Variants in TNFAIP8 observed in about 807,000 individuals in gnomAD.
TNFAIP8 encodes TNF alpha induced protein 8, also known as tumor necrosis factor alpha-induced protein 8.
TNFAIP8 carries 7 observed loss-of-function variants against 13.3 expected under a neutral mutation model. That is an observed-to-expected ratio of 0.52 (90% CI 0.30 to 0.99). The LOEUF is 0.99. Ranked by LOEUF, TNFAIP8 falls within the 50% of genes least tolerant of loss-of-function variation. The probability of loss-of-function intolerance (pLI) is 0.07; values close to 1 mark genes in which losing one functional copy is unlikely to be tolerated. For missense variants in TNFAIP8, 258 were observed against 236.9 expected (o/e 1.09, Z -0.58); for synonymous variants, 94 against 87.6 (o/e 1.07, Z -0.41).
intron 1 of TNFAIP8, among the ~76,000 whole-genome samples, chr5:119,350,996 C>CTGTGTGTGTG (rs1562012624): frequency 9.8e-6 from 1 of 101,608 alleles, no homozygotes; most frequent in African/African-American, 5.0e-5. Flanking sequence ...AGGGGTCTCA[C>CTGTGTGTGTG]TCTGTGTGTG....
intron 1 of TNFAIP8, chr5:119,391,616 G>A (rs1290760203): frequency 1.5e-5 from 7 of 477,636 alleles, no homozygotes; most frequent in East Asian, 7.8e-5. Flanking sequence ...ACAATTAGCC[G>A]GGCATGGTGG....
chr5:119,338,940 A>G (rs1282012490), intron 1 of TNFAIP8, among the ~76,000 whole-genome samples: 1 of 152,138 alleles, frequency 6.6e-6, no homozygotes, highest in Non-Finnish European at 1.5e-5. Flanking sequence ...CCAGCTACTC[A>G]GGAGGCTTAG....
At chr5:119,332,083 G>T (rs1458965871) in intron 1 of TNFAIP8, among the ~76,000 whole-genome samples, 1 of 152,118 alleles carries the variant, frequency 6.6e-6, no homozygotes, top group African/African-American at 2.4e-5. Context: ...GTGTCATATC[G>T]CTATGAGTTA....
chr5:119,350,611 C>CT (rs1303825818), intron 1 of TNFAIP8, among the ~76,000 whole-genome samples: 1 of 152,148 alleles, frequency 6.6e-6, no homozygotes, highest in Non-Finnish European at 1.5e-5. Context: ...CCTAGAAAGC[C>CT]TAGGAAACAA....
At chr5:119,303,181 C>G (rs1159357972) in intron 1 of TNFAIP8, among the ~76,000 whole-genome samples, 1 of 152,142 alleles carries the variant, frequency 6.6e-6, no homozygotes, top group African/African-American at 2.4e-5. Flanking sequence ...CATTCCAATT[C>G]AATTAGAGAT....
chr5:119,285,770 C>G (rs1160099135), intron 1 of TNFAIP8, among the ~76,000 whole-genome samples: 1 of 152,174 alleles, frequency 6.6e-6, no homozygotes, highest in Non-Finnish European at 1.5e-5. Flanking sequence ...AACAAAAACT[C>G]AAACCACTTA....
intron 1 of TNFAIP8, among the ~76,000 whole-genome samples, chr5:119,286,383 A>G (rs925123667): frequency 4.6e-5 from 7 of 152,170 alleles, no homozygotes; most frequent in African/African-American, 1.2e-4. Context: ...GCACTTTTGG[A>G]GGCCGAGGTG....
chr5:119,387,924 A>C (rs949369147), intron 1 of TNFAIP8, among the ~76,000 whole-genome samples: 7 of 152,172 alleles, frequency 4.6e-5, no homozygotes, highest in Admixed American at 3.3e-4. Context: ...AACAATTTAC[A>C]TGTCTGTTTC....
rs1752971447 is a variant in TNFAIP8 at position 119,393,292 on chromosome 5, G to A, written c.508G>A (p.Ala170Thr). The change falls in exon 2 of 2, where the codon GCC becomes ACC. Residue 170 changes from alanine (A) to threonine (T), a missense_variant. By Grantham distance (58) the Ala-to-Thr change is moderately conservative. Coordinates refer to ENST00000504771, the MANE Select transcript of TNFAIP8 (RefSeq NM_014350.4). ...TTTTTCAGATTGTGAATTTTTGGCT[G>A]CCTTGTATAATCCTTTTGGGAATTT... is the stretch of plus-strand genomic sequence containing the variant. ...DHFSDCEFLA[A>T]LYNPFGNFKP... is the part of the protein sequence containing the mutation. The A allele has an allele frequency of 6.2e-7, 1 of 1,613,880 alleles. No individual in the cohort carries two copies. Among genetic ancestry groups the A allele is most frequent in the South Asian group, 1.1e-5 (1 of 91,094 alleles).
At chr5:119,356,216 G>C (rs187970899) in intron 1 of TNFAIP8, 95 bp downstream of exon 1, 2 of 1,165,626 alleles carry the variant, frequency 1.7e-6, no homozygotes, top group Non-Finnish European at 2.4e-6. Context: ...TAAAGTGAGC[G>C]GTGGGCACTT....
At chr5:119,332,644 A>G (rs1750421478) in intron 1 of TNFAIP8, among the ~76,000 whole-genome samples, 1 of 152,196 alleles carries the variant, frequency 6.6e-6, no homozygotes, top group African/African-American at 2.4e-5. Flanking sequence ...AGTAGGGGCT[A>G]AAGGAAGAGA....
intron 1 of TNFAIP8, among the ~76,000 whole-genome samples, chr5:119,322,781 C>T (rs1218779392): frequency 6.6e-6 from 1 of 152,174 alleles, no homozygotes; most frequent in Non-Finnish European, 1.5e-5. Context: ...GGTGATCCCG[C>T]CCATTTCTAG....
intron 1 of TNFAIP8, among the ~76,000 whole-genome samples, chr5:119,299,120 C>T (rs1749277101): frequency 6.6e-6 from 1 of 152,254 alleles, no homozygotes; most frequent in South Asian, 2.1e-4. Context: ...CAAAGTCATT[C>T]TCCATCCAGC....
chr5:119,379,082 A>C (rs1752389040), intron 1 of TNFAIP8, among the ~76,000 whole-genome samples: 1 of 152,184 alleles, frequency 6.6e-6, no homozygotes, highest in Non-Finnish European at 1.5e-5. Flanking sequence ...AATAAAACAA[A>C]AGATAGTTTG....
chr5:119,331,578 G>A (rs1750382025), intron 1 of TNFAIP8, among the ~76,000 whole-genome samples: 1 of 152,162 alleles, frequency 6.6e-6, no homozygotes, highest in African/African-American at 2.4e-5. Flanking sequence ...GGATACATGA[G>A]GCTACCATGT....
At chr5:119,284,454 G>A (rs1159357469) in intron 1 of TNFAIP8, among the ~76,000 whole-genome samples, 1 of 152,174 alleles carries the variant, frequency 6.6e-6, no homozygotes, top group Non-Finnish European at 1.5e-5. Flanking sequence ...GCTGAGATGG[G>A]TGGATCACTT....
At chr5:119,378,189 C>T (rs191485417) in intron 1 of TNFAIP8, among the ~76,000 whole-genome samples, 1 of 152,262 alleles carries the variant, frequency 6.6e-6, no homozygotes, top group African/African-American at 2.4e-5. Context: ...TGCAAGGCAT[C>T]CTGATCTAAA....
intron 1 of TNFAIP8, among the ~76,000 whole-genome samples, chr5:119,377,815 A>G (rs1328589196): frequency 6.6e-6 from 1 of 152,216 alleles, no homozygotes; most frequent in Non-Finnish European, 1.5e-5. Flanking sequence ...GCTGGGCCAG[A>G]TTTTTAATTC....
chr5:119,341,230 C>G (rs1191037930), intron 1 of TNFAIP8, among the ~76,000 whole-genome samples: 1 of 151,944 alleles, frequency 6.6e-6, no homozygotes, highest in African/African-American at 2.4e-5. Flanking sequence ...CGAGAGATTG[C>G]TTATTTGTTT....
Sources: gnomAD v4.1 joint callset for allele counts (sites outside exome capture counted in the v4.1 genomes callset) on GRCh38, gnomAD v4.1.1 for gene constraint, MANE v1.5 for transcripts, NCBI Gene and HGNC (gene_info 2026-07-23, HGNC 2026-07-21) for gene names.